The following ARID1B variants were observed in gnomAD, a reference collection of about 807,000 sequenced individuals.
ARID1B encodes the protein AT-rich interaction domain 1B, also known as AT-rich interactive domain-containing protein 1B.
ARID1B carries 30 observed loss-of-function variants against 212.3 expected under a neutral mutation model. The ratio of observed to expected loss-of-function variants is 0.14; its 90% CI spans 0.11 to 0.19. ARID1B has a LOEUF of 0.19. Among genes scored for constraint, ARID1B ranks in the 10% least tolerant of loss-of-function variants. The probability of loss-of-function intolerance (pLI) is 1.00; values close to 1 mark genes in which losing one functional copy is unlikely to be tolerated. For synonymous variants in ARID1B, 1,402 were observed against 1,301.7 expected (o/e 1.08, Z -1.66); for missense variants, 2,891 against 3,204.0 (o/e 0.90, Z 2.36).
intron 6 of ARID1B, among the ~76,000 whole-genome samples, chr6:157,129,259 G>A (rs977626262): frequency 2.3e-4 from 35 of 152,218 alleles, no homozygotes; most frequent in African/African-American, 7.2e-4. Flanking sequence ...ACAGCAAGCT[G>A]TATTCAATAC....
rs1778851408 is a variant in ARID1B, at chr6:156,778,451, G to A, written c.771G>A (p.Pro257=). The A allele has an allele frequency of 7.1e-7, 1 of 1,408,134 alleles. No homozygotes were observed. The highest frequency in any genetic ancestry group is 1.6e-5 in the South Asian group (1 of 64,032). The allele number at this position is 1,408,134 out of a possible 1,614,324, so 87.2% of individuals were successfully genotyped here. A position where few individuals can be genotyped will look rare whatever the true frequency, so the allele number is the denominator to read the frequency against. Residue 257 remains proline, a synonymous_variant, in exon 1 of 20, where the codon CCG becomes CCA. Transcript: ENST00000636930. ...CTGCGGGCGGCCAGGCCGACCCCCC[G>A]GGCCCGCCGCTGCTGAGCAAGCCGG... The part of the protein sequence containing the change: ...DSAAGGQADP[P]GPPLLSKPGD...
At chr6:157,181,925 G>A (rs1467617377) in intron 12 of ARID1B, among the ~76,000 whole-genome samples, 3 of 152,178 alleles carry the variant, frequency 2.0e-5, no homozygotes, top group Non-Finnish European at 4.4e-5. Context: ...CAGCCCCAAA[G>A]CATAGATGAG....
At chr6:156,794,489 C>G (rs766551886) in intron 1 of ARID1B, among the ~76,000 whole-genome samples, 8 of 149,262 alleles carry the variant, frequency 5.4e-5, no homozygotes, top group Non-Finnish European at 1.2e-4. Flanking sequence ...CTGGGCGGCT[C>G]AAGCAATCCT....
At chr6:156,907,451 T>C (rs931787726) in intron 3 of ARID1B, among the ~76,000 whole-genome samples, 4 of 152,206 alleles carry the variant, frequency 2.6e-5, no homozygotes, top group South Asian at 2.1e-4. Flanking sequence ...AAACTCACAT[T>C]CTATAATAAA....
chr6:156,904,856 T>C (rs1011362791), intron 3 of ARID1B, among the ~76,000 whole-genome samples: 1 of 152,242 alleles, frequency 6.6e-6, no homozygotes, highest in Admixed American at 6.5e-5. Flanking sequence ...CTTCAGGCCA[T>C]ATATGTAAGG....
chr6:157,074,473 C>T (rs1375088204), intron 4 of ARID1B, among the ~76,000 whole-genome samples: 1 of 152,162 alleles, frequency 6.6e-6, no homozygotes, highest in African/African-American at 2.4e-5. Flanking sequence ...GATCCGCCCA[C>T]CTCGGCCTCC....
intron 4 of ARID1B, among the ~76,000 whole-genome samples, chr6:157,050,064 C>G (rs1274113590): frequency 6.6e-6 from 1 of 152,116 alleles, no homozygotes; most frequent in Non-Finnish European, 1.5e-5. Flanking sequence ...GAGAGACACT[C>G]TCAGTTGTGG....
intron 1 of ARID1B, among the ~76,000 whole-genome samples, chr6:156,787,135 A>C (rs1779698600): frequency 6.6e-6 from 1 of 152,178 alleles, no homozygotes; most frequent in South Asian, 2.1e-4. Flanking sequence ...TAAAAGAAGG[A>C]AAATATAATC....
chr6:157,180,896 CT>C, intron 11 of ARID1B, 72 bp from the exon 12 acceptor site: 2 of 1,323,050 alleles, frequency 1.5e-6, no homozygotes, highest in South Asian at 1.3e-5. Flanking sequence ...TAGCTCATTA[CT>C]TTTTTCTCAC....
intron 4 of ARID1B, among the ~76,000 whole-genome samples, chr6:157,031,696 A>G (rs893680395): frequency 1.3e-5 from 2 of 152,240 alleles, no homozygotes; most frequent in Non-Finnish European, 2.9e-5. Flanking sequence ...GAAAATTAAA[A>G]TGGAGTCACC....
intron 4 of ARID1B, among the ~76,000 whole-genome samples, chr6:157,026,103 G>A (rs1346609097): frequency 6.6e-6 from 1 of 151,922 alleles, no homozygotes; most frequent in African/African-American, 2.4e-5. Flanking sequence ...TTTTGTATTT[G>A]TAGTAGAGAC....
intron 1 of ARID1B, among the ~76,000 whole-genome samples, chr6:156,796,438 G>A (rs1780387542): frequency 6.6e-6 from 1 of 151,218 alleles, no homozygotes; most frequent in Non-Finnish European, 1.5e-5. Context: ...AAGGGACTGG[G>A]CATCTTCATG....
At chr6:156,839,455 A>G (rs756446424) in intron 2 of ARID1B, among the ~76,000 whole-genome samples, 5 of 152,200 alleles carry the variant, frequency 3.3e-5, no homozygotes, top group Admixed American at 6.5e-5. Flanking sequence ...GAATTTGGAG[A>G]TTAAATTTTC....
At chr6:157,096,552 G>A (rs1018817253) in intron 5 of ARID1B, among the ~76,000 whole-genome samples, 1 of 152,206 alleles carries the variant, frequency 6.6e-6, no homozygotes, top group Admixed American at 6.5e-5. Context: ...ACTTGAGGTC[G>A]TGCTCGAGAA....
Position 156,892,177 on chromosome 6 carries a change from A to G in ARID1B, c.1987-9199A>G, listed in dbSNP as rs1243956365. Among the ~76,000 whole-genome samples the G allele has an allele frequency of 7.3e-5, 11 of 151,168 alleles. 1 individual carries two copies. Among genetic ancestry groups the G allele is most frequent in the Admixed American group, 4.6e-4 (7 of 15,124 alleles). On this transcript the variant is annotated intron_variant, in intron 2 of 19. Coordinates refer to ENST00000636930, the MANE Select transcript of ARID1B (RefSeq NM_001374828.1). ...CCTCCCAAAGTGACAGGCGTGAGCC[A>G]CCACACCCGGCCTCATACTTTTTCT...
At chr6:156,973,905 G>T (rs1338198766) in intron 4 of ARID1B, among the ~76,000 whole-genome samples, 1 of 152,138 alleles carries the variant, frequency 6.6e-6, no homozygotes, top group Non-Finnish European at 1.5e-5. Context: ...TAGATTTTAT[G>T]TGACCTGAAT....
At chr6:157,015,949 C>T (rs188667899) in intron 4 of ARID1B, among the ~76,000 whole-genome samples, 172 of 152,324 alleles carry the variant, frequency 1.1e-3, no homozygotes, top group Non-Finnish European at 1.2e-3. Flanking sequence ...GGTTCAGAGC[C>T]TCTTGATACA....
In ARID1B at chr6:157,210,098, A is replaced by C. The variant is rs1270133883; in HGVS notation, c.*2207A>C. ...GACTCTCCAGTGTCACGAGGAAAAA[A>C]ATCATCTTTTCTGCAAACAGTCTCT... On this transcript the variant is annotated 3_prime_UTR_variant, in exon 20 of 20. Coordinates refer to ENST00000636930, the MANE Select transcript of ARID1B (RefSeq NM_001374828.1). 1 of 232,764 alleles carries C rather than the reference A, an allele frequency of 4.3e-6. No individual in the cohort carries two copies. Among genetic ancestry groups the C allele is most frequent in the Non-Finnish European group, 8.5e-6 (1 of 117,834 alleles). The allele number at this position is 232,764 out of a possible 1,614,324, so 14.4% of individuals were successfully genotyped here.
At chr6:157,136,189 T>G (rs905336426) in intron 7 of ARID1B, among the ~76,000 whole-genome samples, 1 of 152,210 alleles carries the variant, frequency 6.6e-6, no homozygotes, top group Admixed American at 6.5e-5. Flanking sequence ...AACAGGTGAA[T>G]AGTTTTGCCT....
Sources: allele counts gnomAD v4.1 joint callset (sites outside exome capture counted in the v4.1 genomes callset), GRCh38; gene constraint gnomAD v4.1.1; transcripts MANE v1.5; gene names NCBI Gene and HGNC (gene_info 2026-07-23, HGNC 2026-07-21).